ZNF124: variants seen among roughly 807,000 people sequenced by gnomAD.
ZNF124 encodes zinc finger protein 124, also known as zinc finger protein HZF-16.
In ZNF124, 25 loss-of-function variants were observed where a neutral mutation model predicts 26.6. The ratio of observed to expected loss-of-function variants is 0.94; its 90% confidence interval spans 0.68 to 1.31. The LOEUF is 1.31. Among genes scored for constraint, ZNF124 ranks in the 40% most tolerant of loss-of-function variants. ZNF124 has a pLI of 0.00. For missense variants in ZNF124, 444 were observed against 422.2 expected (o/e 1.05, Z -0.45); for synonymous variants, 129 against 133.3 (o/e 0.97, Z 0.22).
chr1:247,159,034 G>A lies in ZNF124; in HGVS notation c.190C>T (p.Gln64Ter). ...NKGEDQSIED[Q>*]YKNSSRNLRH... Reference sequence around the variant, plus strand: ...AGATTTCTTGAAGAATTTTTGTACTGATCTTCAATGCTCTGGTCTTCCCCT... The same window carrying A: ...AGATTTCTTGAAGAATTTTTGTACTAATCTTCAATGCTCTGGTCTTCCCCT... Residue 64 changes from glutamine (Q) to a stop codon, truncating the protein, a stop_gained, in exon 3 of 4, where the codon CAG (glutamine) becomes TAG (stop). Transcript: ENST00000543802. LOFTEE classifies it high-confidence loss of function. 6.2e-7 allele frequency: 1 copy of A among 1,613,242 alleles called. No homozygotes were observed. Among genetic ancestry groups the A allele is most frequent in the South Asian group, 1.1e-5 (1 of 90,810 alleles).
intron 3 of ZNF124, among the ~76,000 whole-genome samples, chr1:247,148,726 C>T (rs546861532): frequency 3.8e-4 from 57 of 151,982 alleles, no homozygotes; most frequent in African/African-American, 1.2e-3. Flanking sequence ...TTTTGGAGGC[C>T]GAGGCGGGCA....
chr1:247,170,709 G>C (rs1399253862), intron 1 of ZNF124, among the ~76,000 whole-genome samples: 3 of 143,156 alleles, frequency 2.1e-5, no homozygotes, highest in Non-Finnish European at 4.5e-5. Context: ...TGAGAGGGTC[G>C]TGATCGATTG....
intron 1 of ZNF124, among the ~76,000 whole-genome samples, chr1:247,160,121 G>A (rs530707006): frequency 1.1e-4 from 17 of 151,950 alleles, no homozygotes; most frequent in Non-Finnish European, 1.6e-4. Flanking sequence ...AAGTAGCTGG[G>A]ACTACAGGCA....
At chr1:247,157,465 C>T (rs778373660) in intron 3 of ZNF124, 62 bp from the exon 4 acceptor site, 2 of 1,487,782 alleles carry the variant, frequency 1.3e-6, no homozygotes, top group Admixed American at 2.0e-5. Flanking sequence ...TGTGGTTTTA[C>T]TCTAGCAGGA....
chr1:247,134,181 A>G (rs1672433308), intron 3 of ZNF124, among the ~76,000 whole-genome samples: 1 of 152,228 alleles, frequency 6.6e-6, no homozygotes, highest in Non-Finnish European at 1.5e-5. Flanking sequence ...TGACACTATG[A>G]AGAAACTGCA....
At chr1:247,151,816 TAA>T (rs35511689), downstream of ZNF124, among the ~76,000 whole-genome samples, 6 of 137,826 alleles carry the variant, frequency 4.4e-5, no homozygotes, top group Admixed American at 7.2e-5. Flanking sequence ...AATTCAATGC[TAA>T]AAAAAAAAAA....
intron 3 of ZNF124, among the ~76,000 whole-genome samples, chr1:247,148,953 G>C (rs112130407): frequency 0.015 from 2,218 of 151,720 alleles, 50 homozygotes; most frequent in African/African-American, 0.05. Flanking sequence ...CTGGGTGACA[G>C]AGTGAGACTC....
chr1:247,164,903 AACAGACAG>A (rs1289168432), intron 1 of ZNF124, among the ~76,000 whole-genome samples: 5 of 152,206 alleles, frequency 3.3e-5, no homozygotes, highest in Non-Finnish European at 5.9e-5. Context: ...ATGGTATAAA[AACAGACAG>A]ACTGATGGAG....
intron 3 of ZNF124, among the ~76,000 whole-genome samples, chr1:247,133,772 G>A (rs1672422478): frequency 6.7e-6 from 1 of 150,016 alleles, no homozygotes; most frequent in African/African-American, 2.5e-5. Context: ...TCCCACCTCA[G>A]CCTCCCAAGT....
rs149453990 is a variant in ZNF124 at position 247,134,838 on chromosome 1, C to G, written c.219-10967G>C. ...ACATGGCACTTATTCTCAAATCAAC[C>G]ACATAATTGGAAGTAAGACACTTCT... On this transcript the variant is annotated intron_variant, in intron 3 of 3. Transcript: ENST00000472531. Among the ~76,000 whole-genome samples the G allele has an allele frequency of 4.2e-3, 647 of 152,286 alleles. 6 individuals carry two copies. Among genetic ancestry groups the G allele is most frequent in the Non-Finnish European group, 6.7e-3 (458 of 68,020 alleles).
chr1:247,124,704 C>T (rs758900376), intron 3 of ZNF124, among the ~76,000 whole-genome samples: 8 of 152,206 alleles, frequency 5.3e-5, no homozygotes, highest in African/African-American at 1.9e-4. Flanking sequence ...AATAAAATCA[C>T]GCAATATGTG....
intron 3 of ZNF124, 38 bp from the exon 4 acceptor site, chr1:247,157,441 A>G: frequency 4.6e-6 from 7 of 1,533,202 alleles, no homozygotes; most frequent in Non-Finnish European, 6.2e-6. Context: ...AATTTTTCAC[A>G]CACAATGCAT....
At chr1:247,170,450 C>T (rs1424796822) in intron 1 of ZNF124, among the ~76,000 whole-genome samples, 1 of 150,442 alleles carries the variant, frequency 6.6e-6, no homozygotes, top group Non-Finnish European at 1.5e-5. Flanking sequence ...GGATTTGAGA[C>T]CCTGCTTGCC....
chr1:247,170,770 G>A (rs1558396869), intron 1 of ZNF124, among the ~76,000 whole-genome samples: 1 of 141,636 alleles, frequency 7.1e-6, no homozygotes, highest in South Asian at 2.4e-4. Context: ...CAATCAGAAC[G>A]GAACAGAACA....
In ZNF124 at chr1:247,157,284, G is replaced by A. The variant is rs1052567551; in HGVS notation, c.338C>T (p.Thr113Ile). 6.2e-6 allele frequency: 10 copies of A among 1,609,206 alleles called. No individual in the cohort carries two copies. The highest frequency in any genetic ancestry group is 8.5e-6 in the Non-Finnish European group (10 of 1,177,156). The stretch of plus-strand genomic sequence containing the variant: ...ATGTCCATTTCCAGTGTGCATTACT[G>A]TGTCTCTGTGAACCCTTGTGACAGA... ...SLSVTRVHRD[T>I]VMHTGNGHYG... Residue 113 changes from threonine (T) to isoleucine (I), a missense_variant, in exon 4 of 4, where the codon ACA becomes ATA. Physicochemically the swap from Thr to Ile is moderately conservative, Grantham distance 89 (BLOSUM62 -1). Transcript: ENST00000543802.
At chr1:247,137,335 TA>T (rs1672507035) in intron 3 of ZNF124, among the ~76,000 whole-genome samples, 1 of 149,038 alleles carries the variant, frequency 6.7e-6, no homozygotes, top group African/African-American at 2.5e-5. Context: ...TCCAAAACCA[TA>T]AAAACCCTAG....
Position 247,156,863 on chromosome 1 carries a change from T to G in ZNF124, c.759A>C (p.Ile253=). Residue 253 remains isoleucine (I), a synonymous_variant, in exon 4 of 4, where the codon ATA becomes ATC. Coordinates refer to ENST00000543802, the MANE Select transcript of ZNF124 (RefSeq NM_001297568.2). The part of the protein sequence containing the change: ...FSCLSSLQGH[I]KAHAGEEPYP... ...AGGGTTCTTCACCAGCATGAGCCTT[T>G]ATATGTCCTTGCAAGGAACTGAGAC... 6.2e-7 allele frequency: 1 copy of G among 1,614,192 alleles called. No homozygotes were observed. The highest frequency in any genetic ancestry group is 8.5e-7 in the Non-Finnish European group (1 of 1,180,046).
chr1:247,136,531 G>A (rs191631453), intron 3 of ZNF124, among the ~76,000 whole-genome samples: 1 of 152,322 alleles, frequency 6.6e-6, no homozygotes, highest in East Asian at 1.9e-4. Context: ...CATCTTCATG[G>A]ATAGGAATAA....
chr1:247,130,101 A>G (rs1245627223), intron 3 of ZNF124, among the ~76,000 whole-genome samples: 1 of 152,168 alleles, frequency 6.6e-6, no homozygotes, highest in Non-Finnish European at 1.5e-5. Flanking sequence ...CCTTGAAAAT[A>G]CTTGTTCACT....
Sources: gnomAD v4.1 joint callset for allele counts (sites outside exome capture counted in the v4.1 genomes callset) on GRCh38, gnomAD v4.1.1 for gene constraint, MANE v1.5 for transcripts, NCBI Gene and HGNC (gene_info 2026-07-23, HGNC 2026-07-21) for gene names.